BANP: variants seen among roughly 807,000 people sequenced by gnomAD.
BANP encodes the protein protein BANP.
A neutral mutation model predicts 68.1 loss-of-function variants in BANP; 11 were observed. The observed-to-expected ratio is 0.16, with a 90% confidence interval of 0.10 to 0.27. The LOEUF (loss-of-function observed/expected upper bound fraction) is 0.27. Among genes scored for constraint, BANP ranks in the 10% least tolerant of loss-of-function variants. The pLI is 1.00. For missense variants in BANP, 504 were observed against 722.7 expected, an observed-to-expected ratio of 0.70 and a Z score of 3.47; for synonymous variants, 329 against 303.2, an observed-to-expected ratio of 1.09 and a Z score of -0.88.
At position 88,002,077 on chromosome 16, in the gene BANP, G is replaced by A. The variant is rs1163552972; in HGVS notation, c.363-2218G>A. Among the ~76,000 whole-genome samples the A allele has an allele frequency of 6.6e-6, 1 of 152,176 alleles. No individual in the cohort carries two copies. The highest frequency in any genetic ancestry group is 1.5e-5 in the Non-Finnish European group (1 of 68,028). ...GAATGTATTTTTGAAGAGCTGGATA[G>A]GGCTTTTTGGTTAATTATTGAATCA... is the stretch of plus-strand genomic sequence containing the variant. On this transcript the variant is annotated intron_variant, in intron 4 of 13. Transcript: ENST00000682872. The surrounding 1 kb of genome is among the most constrained non-coding windows in gnomAD (Gnocchi z 4.6).
intron 3 of BANP, 62 bp downstream of exon 3, chr16:87,981,189 C>G (rs1386080051): frequency 1.6e-6 from 2 of 1,212,354 alleles, no homozygotes; most frequent in Non-Finnish European, 2.4e-6. Flanking sequence ...GCTGCTATAA[C>G]AAATCACCAT....
At position 88,006,252 on chromosome 16, in the gene BANP, C is replaced by T. The variant is rs2071058118; in HGVS notation, c.642C>T (p.Thr214=). The change falls in exon 6 of 14, where the codon ACC becomes ACT. Residue 214 remains threonine, a synonymous_variant. Coordinates refer to ENST00000682872, the MANE Select transcript of BANP (RefSeq NM_001386991.1). ...QSIGSNVTLI[T]LNSEEDYPNG... is the part of the protein sequence containing the mutation. ...TCGGGAGCAACGTCACGCTCATCAC[C>T]CTGAACTCGGAAGGTGCGTCCAGGG... The T allele has an allele frequency of 2.5e-6, 4 of 1,604,154 alleles. No individual in the cohort carries two copies. The South Asian group carries it at 3.3e-5, about 13-fold the overall frequency.
At chr16:87,975,265 T>A (rs1302222963) in intron 2 of BANP, 80 bp downstream of exon 2, 4 of 1,427,388 alleles carry the variant, frequency 2.8e-6, no homozygotes, top group Non-Finnish European at 3.9e-6. Flanking sequence ...TTATTTTCTT[T>A]CCTTTAAGCA....
intron 8 of BANP, among the ~76,000 whole-genome samples, chr16:88,031,576 G>T (rs1216198780): frequency 1.3e-5 from 2 of 151,402 alleles, no homozygotes; most frequent in Non-Finnish European, 2.9e-5. Flanking sequence ...TTGAACTTGG[G>T]AGGCGGAAGT....
At chr16:87,982,104 A>G (rs947446920) in intron 3 of BANP, among the ~76,000 whole-genome samples, 3 of 152,250 alleles carry the variant, frequency 2.0e-5, no homozygotes, top group African/African-American at 7.2e-5. Context: ...TTTCCAACCA[A>G]TGGATAGGAT....
chr16:88,048,306 T>C (rs1598848576), intron 11 of BANP, among the ~76,000 whole-genome samples: 1 of 152,204 alleles, frequency 6.6e-6, no homozygotes, highest in African/African-American at 2.4e-5. Flanking sequence ...ATCTGCCTCA[T>C]TGAGGAGATT....
In BANP at chr16:87,975,154, T is replaced by G. The variant is rs1442611745; in HGVS notation, c.39T>G (p.Ile13Met). ...ACGACCTGGCCGATGTGGTTCAGATTGCAGTGGAAGACCTGAGCCCTGACC... is the reference window on the plus strand; with the variant it reads ...ACGACCTGGCCGATGTGGTTCAGATGGCAGTGGAAGACCTGAGCCCTGACC... ...SEHDLADVVQ[I>M]AVEDLSPDHP... The change falls in exon 2 of 14, where the codon ATT becomes ATG. Residue 13 changes from isoleucine to methionine, a missense_variant. This residue lies in a region of BANP where 238 missense variants were observed against 278.9 expected (regional missense o/e 0.85). Coordinates refer to ENST00000682872, the MANE Select transcript of BANP (RefSeq NM_001386991.1). 5 of 1,614,196 alleles carry G rather than the reference T, an allele frequency of 3.1e-6. No individual in the cohort carries two copies. The highest frequency in any genetic ancestry group is 4.2e-6 in the Non-Finnish European group (5 of 1,180,022).
chr16:87,969,836 A>G (rs983745084), intron 1 of BANP, among the ~76,000 whole-genome samples: 1 of 151,652 alleles, frequency 6.6e-6, no homozygotes, highest in Non-Finnish European at 1.5e-5. Context: ...TGGCCTGACT[A>G]TCTTTACATA....
intron 7 of BANP, among the ~76,000 whole-genome samples, chr16:88,021,351 C>T (rs1402203348): frequency 6.6e-6 from 1 of 152,178 alleles, no homozygotes; most frequent in African/African-American, 2.4e-5. Context: ...TGGGCTTGCT[C>T]ACAGTGCCCG....
At chr16:87,994,042 C>T (rs1362117348) in intron 4 of BANP, among the ~76,000 whole-genome samples, 4 of 152,090 alleles carry the variant, frequency 2.6e-5, no homozygotes, top group African/African-American at 7.2e-5. Context: ...AGGGCCCTGG[C>T]GTTAGAGACC....
chr16:88,033,814 C>A (rs138607969), intron 9 of BANP, among the ~76,000 whole-genome samples: 121 of 152,308 alleles, frequency 7.9e-4, no homozygotes, highest in African/African-American at 2.6e-3. Context: ...CTGTGGTCAG[C>A]CTGATGCGCC....
chr16:87,989,687 C>G, intron 4 of BANP, among the ~76,000 whole-genome samples: 1 of 96,990 alleles, frequency 1.0e-5, no homozygotes. Context: ...TGCGCATATC[C>G]AGGACACAGG....
intron 4 of BANP, among the ~76,000 whole-genome samples, chr16:87,990,688 C>G (rs767132002): frequency 6.6e-6 from 1 of 152,166 alleles, no homozygotes; most frequent in Non-Finnish European, 1.5e-5. Flanking sequence ...TGGTTGCTTT[C>G]GTTTAATTTC....
intron 2 of BANP, chr16:87,980,497 C>T (rs2063047836): frequency 6.5e-6 from 1 of 154,632 alleles, no homozygotes; most frequent in African/African-American, 2.4e-5. Context: ...GTGATGGGGG[C>T]AGCTGGTCTC....
chr16:87,951,233 G>T (rs181015160), upstream of BANP, among the ~76,000 whole-genome samples: 241 of 152,282 alleles, frequency 1.6e-3, 1 homozygote, highest in Admixed American at 3.3e-3. Flanking sequence ...GGCGAAAAAC[G>T]GGGGGAAAAA....
chr16:88,032,701 A>T (rs2078461428), intron 8 of BANP, among the ~76,000 whole-genome samples: 1 of 152,258 alleles, frequency 6.6e-6, no homozygotes, highest in Non-Finnish European at 1.5e-5. Flanking sequence ...TTGATTAAAC[A>T]CAGCAAGTAA....
At position 88,040,530 on chromosome 16, in the gene BANP, C is replaced by T. The variant is rs112765676; in HGVS notation, c.1311+2519C>T. 6.4e-3 allele frequency among the ~76,000 whole-genome samples: 965 copies of T among 150,600 alleles called. 7 individuals carry two copies. Among genetic ancestry groups the T allele is most frequent in the Non-Finnish European group, 0.011 (752 of 67,962 alleles). On this transcript the variant is annotated intron_variant, in intron 11 of 13. Transcript: ENST00000682872. ...GTCACACGGCCCATTCGCTCTCCTCCCCGTCCCCGTGCCTACAGAAGCCCC... is the reference window on the plus strand; with the variant it reads ...GTCACACGGCCCATTCGCTCTCCTCTCCGTCCCCGTGCCTACAGAAGCCCC...
intron 4 of BANP, among the ~76,000 whole-genome samples, chr16:87,992,845 G>A (rs1337434164): frequency 6.6e-6 from 1 of 151,862 alleles, no homozygotes; most frequent in African/African-American, 2.4e-5. Context: ...TGTTGTTTGT[G>A]TCTCTCAAGA....
At chr16:88,029,306 CAAAA>C (rs59989652) in intron 8 of BANP, among the ~76,000 whole-genome samples, 11 of 55,758 alleles carry the variant, frequency 2.0e-4, no homozygotes, top group African/African-American at 5.9e-4. Flanking sequence ...GACTGTATCT[CAAAA>C]AAAAAAAAAA....
Sources: allele counts gnomAD v4.1 joint callset (sites outside exome capture counted in the v4.1 genomes callset), GRCh38; gene constraint gnomAD v4.1.1; regional missense constraint gnomAD v4.1.1; non-coding constraint Gnocchi (gnomAD v3.1); transcripts MANE v1.5; gene names NCBI Gene and HGNC (gene_info 2026-07-23, HGNC 2026-07-21).